Variants in DAB1 observed in about 807,000 individuals in gnomAD.
DAB1 encodes the protein DAB adaptor protein 1.
In DAB1, 15 loss-of-function variants were observed where a neutral mutation model predicts 64.6. The observed-to-expected ratio is 0.23, with a 90% CI of 0.16 to 0.36. The LOEUF (loss-of-function observed/expected upper bound fraction) is 0.36, where lower values mean the gene tolerates loss of function less well. Ranked by LOEUF, DAB1 falls within the 10% of genes least tolerant of loss-of-function variation. The pLI, the probability that DAB1 is intolerant of heterozygous loss-of-function variation, is 1.00. For synonymous variants in DAB1, 235 were observed against 251.9 expected (o/e 0.93, Z 0.64); for missense variants, 596 against 706.7 (o/e 0.84, Z 1.78).
chr1:58,114,255 C>T (rs1652180938), intron 5 of DAB1, among the ~76,000 whole-genome samples: 1 of 152,020 alleles, frequency 6.6e-6, no homozygotes, highest in East Asian at 1.9e-4. Flanking sequence ...GAGAGAGACT[C>T]CATCTCAAAA....
chr1:57,951,083 T>G (rs1645266107), intron 5 of DAB1, among the ~76,000 whole-genome samples: 1 of 152,080 alleles, frequency 6.6e-6, no homozygotes. Flanking sequence ...TGCAGACTAG[T>G]GAGCTGCCAT....
intron 7 of DAB1, among the ~76,000 whole-genome samples, chr1:57,441,302 CT>C (rs369120786): frequency 8.0e-6 from 1 of 125,168 alleles, no homozygotes; most frequent in African/African-American, 3.1e-5. Context: ...TTCTTTCTTT[CT>C]TTCTTTCTTT....
chr1:57,425,390 A>G (rs1433493134), upstream of DAB1, among the ~76,000 whole-genome samples: 1 of 152,002 alleles, frequency 6.6e-6, no homozygotes, highest in Non-Finnish European at 1.5e-5. Flanking sequence ...ACACTCACCC[A>G]TGAAAATTTA....
At chr1:57,249,611 A>G (rs1328758563) in intron 2 of DAB1, among the ~76,000 whole-genome samples, 3 of 152,196 alleles carry the variant, frequency 2.0e-5, no homozygotes, top group South Asian at 2.1e-4. Flanking sequence ...AGCTCAAGCC[A>G]TCCACCCGCC....
intron 7 of DAB1, among the ~76,000 whole-genome samples, chr1:57,643,427 T>TCCA (rs1646154598): frequency 6.6e-6 from 1 of 152,236 alleles, no homozygotes; most frequent in Admixed American, 6.5e-5. Context: ...TAGTCAGATT[T>TCCA]ATAATAGATT....
At chr1:57,559,103 G>A (rs1478152329) in intron 7 of DAB1, among the ~76,000 whole-genome samples, 1 of 152,198 alleles carries the variant, frequency 6.6e-6, no homozygotes, top group African/African-American at 2.4e-5. Flanking sequence ...GGCAAGCTGG[G>A]TTTAGCTACT....
chr1:57,764,272 G>A (rs2101821807), intron 6 of DAB1, among the ~76,000 whole-genome samples: 1 of 152,222 alleles, frequency 6.6e-6, no homozygotes, highest in South Asian at 2.1e-4. Flanking sequence ...TTTGGTTTTA[G>A]TTTTTTCCTT....
chr1:57,791,538 T>C (rs1650599337), intron 6 of DAB1, among the ~76,000 whole-genome samples: 1 of 152,202 alleles, frequency 6.6e-6, no homozygotes, highest in South Asian at 2.1e-4. Flanking sequence ...CCGTGTGAAC[T>C]TGGGCAGGTT....
chr1:57,422,553 G>A (rs1204985371), intron 1 of DAB1, among the ~76,000 whole-genome samples: 1 of 151,840 alleles, frequency 6.6e-6, no homozygotes, highest in Non-Finnish European at 1.5e-5. Context: ...ACACCGGAGC[G>A]CACAGATGCC....
chr1:57,660,395 C>T (rs1039873545), intron 6 of DAB1, among the ~76,000 whole-genome samples: 2 of 152,142 alleles, frequency 1.3e-5, no homozygotes, highest in African/African-American at 4.8e-5. Flanking sequence ...TCTTGGGGCC[C>T]CAGGCACAGG....
At chr1:58,053,109 T>A (rs894918134) in intron 5 of DAB1, among the ~76,000 whole-genome samples, 1 of 152,172 alleles carries the variant, frequency 6.6e-6, no homozygotes. Flanking sequence ...AATCTATTCA[T>A]GAGGGATCCA....
chr1:58,490,171 G>A (rs1645654046), intron 3 of DAB1, among the ~76,000 whole-genome samples: 1 of 152,150 alleles, frequency 6.6e-6, no homozygotes, highest in Non-Finnish European at 1.5e-5. Context: ...TCGAACCCAT[G>A]GCAAAGAAGT....
intron 5 of DAB1, among the ~76,000 whole-genome samples, chr1:57,958,958 G>T (rs931913513): frequency 6.6e-6 from 1 of 152,182 alleles, no homozygotes; most frequent in Non-Finnish European, 1.5e-5. Context: ...GGAAGCAGGG[G>T]TTAGGATTCT....
chr1:58,142,682 A>T (rs1030067179), intron 5 of DAB1, among the ~76,000 whole-genome samples: 1 of 152,186 alleles, frequency 6.6e-6, no homozygotes, highest in Admixed American at 6.5e-5. Flanking sequence ...AACCTTCTAT[A>T]TTTCACAGAA....
chr1:57,720,114 A>G (rs1570766501), intron 6 of DAB1, among the ~76,000 whole-genome samples: 1 of 152,206 alleles, frequency 6.6e-6, no homozygotes, highest in Non-Finnish European at 1.5e-5. Context: ...CAAAATTAAT[A>G]AGACCAGCAT....
Position 57,011,243 on chromosome 1 carries a change from G to C in DAB1, c.1474C>G (p.Pro492Ala). 2 of 1,614,070 alleles carry C rather than the reference G, an allele frequency of 1.2e-6. No individual in the cohort carries two copies. Among genetic ancestry groups the C allele is most frequent in the Non-Finnish European group, 1.7e-6 (2 of 1,179,918 alleles). ...GCATGGGATGCAGATGATTTGGATG[G>C]AGAGCTCTGTCTAGGGGCTGGGGTT... ...PPTPAPRQSS[P>A]SKSSASHASD... The change falls in exon 13 of 15, where the codon CCA (proline) becomes GCA (alanine). Residue 492 changes from proline (P) to alanine (A), a missense_variant. Around this residue, in one of 3 missense-constraint regions of DAB1, gnomAD observed 377 missense variants for 400.4 expected, o/e 0.94. Transcript: ENST00000371236.
intron 5 of DAB1, among the ~76,000 whole-genome samples, chr1:58,113,719 G>A (rs1175271602): frequency 6.6e-6 from 1 of 152,142 alleles, no homozygotes; most frequent in African/African-American, 2.4e-5. Flanking sequence ...TTGATGCCAG[G>A]AAATTTGTGC....
intron 4 of DAB1, among the ~76,000 whole-genome samples, chr1:58,265,452 G>T (rs954666918): frequency 1.1e-4 from 16 of 152,184 alleles, no homozygotes; most frequent in African/African-American, 3.9e-4. Flanking sequence ...GAAGGAGTAA[G>T]CTTGCAATTG....
intron 6 of DAB1, among the ~76,000 whole-genome samples, chr1:57,721,203 G>A (rs899280901): frequency 1.3e-5 from 2 of 152,148 alleles, no homozygotes; most frequent in Admixed American, 6.5e-5. Flanking sequence ...ATATGCTTAT[G>A]AAGGCAAGAA....
Sources: allele counts gnomAD v4.1 joint callset (sites outside exome capture counted in the v4.1 genomes callset), GRCh38; gene constraint gnomAD v4.1.1; regional missense constraint gnomAD v4.1.1; transcripts MANE v1.5; gene names NCBI Gene and HGNC (gene_info 2026-07-23, HGNC 2026-07-21).